Variants in KLF12 observed in about 807,000 individuals in gnomAD.
KLF12 encodes Krueppel-like factor 12.
Under a neutral mutation model 37.8 loss-of-function variants are expected in KLF12, and 9 were observed. The observed-to-expected ratio is 0.24, with a 90% CI of 0.14 to 0.42. The LOEUF (loss-of-function observed/expected upper bound fraction) is 0.42, where lower values mean the gene tolerates loss of function less well. Ranked by LOEUF, KLF12 falls within the 10% of genes least tolerant of loss-of-function variation. The pLI, the probability that KLF12 is intolerant of heterozygous loss-of-function variation, is 1.00. For synonymous variants in KLF12, 208 were observed against 202.1 expected, an observed-to-expected ratio of 1.03 and a Z score of -0.25; for missense variants, 411 against 516.0, an observed-to-expected ratio of 0.80 and a Z score of 1.97.
chr13:73,790,362 A>G (rs1282105009), intron 5 of KLF12, among the ~76,000 whole-genome samples: 3 of 152,158 alleles, frequency 2.0e-5, no homozygotes, highest in African/African-American at 7.2e-5. Flanking sequence ...TAAGATTTTA[A>G]AATATAAGTC....
chr13:73,996,055 C>A (rs1892108910), intron 1 of KLF12, among the ~76,000 whole-genome samples: 1 of 152,194 alleles, frequency 6.6e-6, no homozygotes, highest in African/African-American at 2.4e-5. Context: ...CTCACTCACT[C>A]ATAAAGGCCT....
intron 2 of KLF12, among the ~76,000 whole-genome samples, chr13:73,954,275 G>A (rs1890757747): frequency 6.6e-6 from 1 of 151,984 alleles, no homozygotes; most frequent in Non-Finnish European, 1.5e-5. Flanking sequence ...ACCGCACCCA[G>A]CCCGGTTTTG....
Position 73,866,885 on chromosome 13 carries a change from A to AG in KLF12, c.124-20513dup, listed in dbSNP as rs35667446. Among the ~76,000 whole-genome samples the AG allele has an allele frequency of 2.0e-3, 277 of 138,246 alleles. 2 individuals carry two copies. Among genetic ancestry groups the AG allele is most frequent in the East Asian group, 0.011 (42 of 3,824 alleles). 90.7% of individuals were successfully genotyped at this position (138,246 alleles called of 152,430 possible). The stretch of plus-strand genomic sequence containing the variant: ...TTGAGGTTTAAAATGTGGGGCAAAA[A>AG]GGGGGGGGGGAATTTATAGAGTTAA... On this transcript the variant is annotated intron_variant, in intron 3 of 7. Coordinates refer to ENST00000377669, the MANE Select transcript of KLF12 (RefSeq NM_007249.5).
At chr13:73,745,473 T>C (rs1474592242) in intron 6 of KLF12, among the ~76,000 whole-genome samples, 1 of 152,212 alleles carries the variant, frequency 6.6e-6, no homozygotes, top group Non-Finnish European at 1.5e-5. Flanking sequence ...CATACATATT[T>C]ATAAATATTA....
At chr13:73,882,601 T>C (rs1487132546) in intron 3 of KLF12, among the ~76,000 whole-genome samples, 1 of 152,216 alleles carries the variant, frequency 6.6e-6, no homozygotes, top group African/African-American at 2.4e-5. Flanking sequence ...TTATAGACTT[T>C]GGATTTTTGT....
intron 7 of KLF12, among the ~76,000 whole-genome samples, chr13:73,696,691 A>G (rs79599978): frequency 0.046 from 7,055 of 152,270 alleles, 212 homozygotes; most frequent in Middle Eastern, 0.099. Flanking sequence ...CCTCATGCAC[A>G]AAGCTACAAA....
chr13:73,840,811 T>C (rs1747951863), intron 4 of KLF12, among the ~76,000 whole-genome samples: 2 of 152,154 alleles, frequency 1.3e-5, no homozygotes, highest in South Asian at 4.1e-4. Context: ...ACCAGATCCT[T>C]CATTTACCCT....
intron 1 of KLF12, among the ~76,000 whole-genome samples, chr13:74,021,456 G>A (rs965827024): frequency 6.6e-5 from 10 of 152,078 alleles, no homozygotes; most frequent in Admixed American, 1.3e-4. Context: ...CGTTTGTGAC[G>A]CAGGGGATTC....
At chr13:73,810,557 C>T (rs1485268879) in intron 5 of KLF12, among the ~76,000 whole-genome samples, 1 of 151,946 alleles carries the variant, frequency 6.6e-6, no homozygotes, top group Admixed American at 6.6e-5. Context: ...TGTGAGCCAC[C>T]ACGCCCGGCT....
chr13:74,232,765 C>T, the KLF12 span, among the ~76,000 whole-genome samples: 1 of 152,066 alleles, frequency 6.6e-6, no homozygotes, highest in Admixed American at 6.5e-5. Flanking sequence ...TATGTGGTCC[C>T]ACGTAGGTCA....
At chr13:73,752,343 C>T (rs910103790) in intron 6 of KLF12, among the ~76,000 whole-genome samples, 2 of 145,752 alleles carry the variant, frequency 1.4e-5, no homozygotes, top group African/African-American at 2.6e-5. Context: ...TAATGGTTTG[C>T]AGGCATTTTT....
the KLF12 span, among the ~76,000 whole-genome samples, chr13:74,162,047 T>C: frequency 1.3e-5 from 2 of 152,202 alleles, no homozygotes; most frequent in Non-Finnish European, 2.9e-5. Context: ...TAATAAGTTA[T>C]ATAAATTCCA....
intron 3 of KLF12, among the ~76,000 whole-genome samples, chr13:73,913,138 T>C (rs922331994): frequency 6.6e-5 from 10 of 152,176 alleles, no homozygotes; most frequent in Non-Finnish European, 1.3e-4. Context: ...CTCATCACTG[T>C]ACCCTCAGGA....
chr13:73,778,828 C>A (rs1880786405), intron 5 of KLF12, among the ~76,000 whole-genome samples: 1 of 152,096 alleles, frequency 6.6e-6, no homozygotes, highest in Admixed American at 6.5e-5. Context: ...GACTACCATG[C>A]CACACTCTTA....
chr13:74,283,488 G>C, the KLF12 span, among the ~76,000 whole-genome samples: 2 of 152,036 alleles, frequency 1.3e-5, no homozygotes, highest in African/African-American at 4.8e-5. Context: ...ATCTAGACAG[G>C]GTATAAACTA....
At chr13:73,965,428 A>G (rs1446452512) in intron 2 of KLF12, among the ~76,000 whole-genome samples, 1 of 152,106 alleles carries the variant, frequency 6.6e-6, no homozygotes, top group Non-Finnish European at 1.5e-5. Context: ...CCTAACTAAT[A>G]TATACAAGGA....
At chr13:74,024,554 G>A (rs2025535) in intron 1 of KLF12, among the ~76,000 whole-genome samples, 101,086 of 152,064 alleles carry the variant, frequency 0.66, 34,063 homozygotes, top group East Asian at 0.9. Context: ...CAATGAACAC[G>A]TGGAGTGAAA....
At chr13:73,948,124 C>T (rs1038156721) in intron 2 of KLF12, among the ~76,000 whole-genome samples, 3 of 152,252 alleles carry the variant, frequency 2.0e-5, no homozygotes, top group Non-Finnish European at 2.9e-5. Context: ...AAGAATATGT[C>T]GCCCCTGCCC....
At chr13:73,940,316 CA>C (rs1890132386) in intron 3 of KLF12, among the ~76,000 whole-genome samples, 1 of 152,144 alleles carries the variant, frequency 6.6e-6, no homozygotes, top group Non-Finnish European at 1.5e-5. Context: ...TAGAGGCTGC[CA>C]GCAGCATGTG....
Sources: gnomAD v4.1 joint callset for allele counts (sites outside exome capture counted in the v4.1 genomes callset) on GRCh38, gnomAD v4.1.1 for gene constraint, MANE v1.5 for transcripts, NCBI Gene and HGNC (gene_info 2026-07-23, HGNC 2026-07-21) for gene names.